The following MAN1C1 variants were observed in gnomAD, a reference collection of about 807,000 sequenced individuals.
MAN1C1 encodes the protein mannosyl-oligosaccharide 1,2-alpha-mannosidase IC.
Under a neutral mutation model 71.5 loss-of-function variants are expected in MAN1C1, and 49 were observed. The observed-to-expected ratio is 0.69, with a 90% CI of 0.54 to 0.87. The LOEUF is 0.87. Ranked by LOEUF, MAN1C1 falls within the 40% of genes least tolerant of loss-of-function variation. MAN1C1 has a pLI of 0.00. For missense variants in MAN1C1, 743 were observed against 835.0 expected (o/e 0.89, Z 1.36); for synonymous variants, 352 against 343.7 (o/e 1.02, Z -0.27).
At chr1:25,749,151 C>G in intron 3 of MAN1C1, 104 bp from the exon 4 acceptor site, 1 of 860,324 alleles carries the variant, frequency 1.2e-6, no homozygotes, top group African/African-American at 1.7e-5. Flanking sequence ...TTACCAGAGC[C>G]GGGGACAGGT....
At chr1:25,691,058 C>G (rs777458925) in intron 2 of MAN1C1, among the ~76,000 whole-genome samples, 1 of 152,086 alleles carries the variant, frequency 6.6e-6, no homozygotes, top group Non-Finnish European at 1.5e-5. Flanking sequence ...GGCTTACACC[C>G]GTAGTCCCAG....
At chr1:25,663,753 C>T (rs2045883103) in intron 1 of MAN1C1, among the ~76,000 whole-genome samples, 1 of 152,120 alleles carries the variant, frequency 6.6e-6, no homozygotes, top group African/African-American at 2.4e-5. Context: ...CCATTGAAGT[C>T]GCGAGGGAGA....
At chr1:25,765,003 G>A (rs1292161987) in intron 7 of MAN1C1, among the ~76,000 whole-genome samples, 1 of 151,878 alleles carries the variant, frequency 6.6e-6, no homozygotes, top group African/African-American at 2.4e-5. Context: ...AGCCAAGACC[G>A]CACCACTGCA....
rs760202704 is a variant in MAN1C1, at chr1:25,618,288, G to T, written c.491G>T (p.Ser164Ile). Residue 164 changes from serine (S) to isoleucine (I), a missense_variant, in exon 1 of 12, where the codon AGT becomes ATT. Coordinates refer to ENST00000374332, the MANE Select transcript of MAN1C1 (RefSeq NM_020379.4). Reference protein sequence around the residue: ...HPVLGTRADESQEPQSQVRAQ... With the variant: ...HPVLGTRADEIQEPQSQVRAQ... ...GTCCTGGGAACGAGGGCCGATGAGAGTCAGGAGCCCCAGAGCCAAGTGCGA... is the reference window on the plus strand; with the variant it reads ...GTCCTGGGAACGAGGGCCGATGAGATTCAGGAGCCCCAGAGCCAAGTGCGA... The T allele has an allele frequency of 1.2e-6, 2 of 1,604,018 alleles. No individual in the cohort carries two copies. Among genetic ancestry groups the T allele is most frequent in the African/African-American group, 1.3e-5 (1 of 74,820 alleles).
intron 1 of MAN1C1, among the ~76,000 whole-genome samples, chr1:25,632,299 G>A (rs1031777198): frequency 6.6e-6 from 1 of 152,148 alleles, no homozygotes; most frequent in Non-Finnish European, 1.5e-5. Context: ...GCGTAGAGAT[G>A]TTTGTAGTAG....
chr1:25,667,951 A>G (rs2045946124), intron 1 of MAN1C1, among the ~76,000 whole-genome samples: 1 of 152,160 alleles, frequency 6.6e-6, no homozygotes, highest in East Asian at 1.9e-4. Flanking sequence ...CATGGGAAGA[A>G]TGACTCCAGG....
rs1012409008 is a variant in MAN1C1, at chr1:25,631,229, A to T, written c.540+12892A>T. On this transcript the variant is annotated intron_variant, in intron 1 of 11. Coordinates refer to ENST00000374332, the MANE Select transcript of MAN1C1 (RefSeq NM_020379.4). This position sits in a 1 kb window ranked among gnomAD's most constrained non-coding sequence, Gnocchi z 4.2. ...GCAGTCCACCCGCCTCAGCCTCCCA[A>T]AGTGCTAGGATTACAGGCATGAGCC... is the stretch of plus-strand genomic sequence containing the variant. 6.6e-6 allele frequency among the ~76,000 whole-genome samples: 1 copy of T among 152,112 alleles called. No homozygotes were observed. The highest frequency in any genetic ancestry group is 1.5e-5 in the Non-Finnish European group (1 of 68,010).
intron 2 of MAN1C1, among the ~76,000 whole-genome samples, chr1:25,699,840 C>G (rs1198911449): frequency 2.6e-5 from 4 of 152,214 alleles, no homozygotes; most frequent in Non-Finnish European, 5.9e-5. Context: ...ATGGCCACCT[C>G]TCTGGAAGGT....
chr1:25,777,400 C>T (rs2047632573), intron 8 of MAN1C1, among the ~76,000 whole-genome samples: 1 of 152,140 alleles, frequency 6.6e-6, no homozygotes, highest in Non-Finnish European at 1.5e-5. Context: ...AGAGTCTTTA[C>T]AACAGCATCA....
At chr1:25,760,040 A>C (rs2047340892) in intron 6 of MAN1C1, 1 of 152,132 alleles carries the variant, frequency 6.6e-6, no homozygotes, top group African/African-American at 2.4e-5. Flanking sequence ...CCCATCCCCC[A>C]ACCTCCCTGT....
At chr1:25,767,246 A>G (rs945726252) in intron 7 of MAN1C1, among the ~76,000 whole-genome samples, 9 of 105,990 alleles carry the variant, frequency 8.5e-5, no homozygotes, top group African/African-American at 3.4e-4. Context: ...CTCCCCTCAC[A>G]TCCACACTCC....
chr1:25,693,880 C>T (rs2046337716), intron 2 of MAN1C1, among the ~76,000 whole-genome samples: 1 of 152,218 alleles, frequency 6.6e-6, no homozygotes, highest in Admixed American at 6.5e-5. Flanking sequence ...ATAACAACTA[C>T]TTCACTCAAC....
chr1:25,627,904 A>T (rs370923738), intron 1 of MAN1C1, among the ~76,000 whole-genome samples: 27 of 151,720 alleles, frequency 1.8e-4, no homozygotes, highest in African/African-American at 5.6e-4. Flanking sequence ...TTATCCAGGC[A>T]TGATGATGGT....
intron 1 of MAN1C1, among the ~76,000 whole-genome samples, chr1:25,674,648 A>G (rs1267454132): frequency 6.6e-6 from 1 of 152,148 alleles, no homozygotes; most frequent in East Asian, 1.9e-4. Flanking sequence ...GAGCGGGACT[A>G]TTGTGTGCAA....
chr1:25,704,371 G>C (rs905223763), intron 2 of MAN1C1, among the ~76,000 whole-genome samples: 3 of 152,188 alleles, frequency 2.0e-5, no homozygotes, highest in Admixed American at 6.5e-5. Context: ...GGGAATGGGC[G>C]GCCGACAGAA....
In MAN1C1 at chr1:25,734,197, C is replaced by T. The variant is rs536080099; in HGVS notation, c.638-12471C>T. 1.4e-4 allele frequency among the ~76,000 whole-genome samples: 21 copies of T among 152,262 alleles called. No homozygotes were observed. In the East Asian group the frequency reaches 1.9e-3, roughly 14 times the overall value. Reference sequence around the variant, plus strand: ...AGGCTGGAGTGCAGTAGCGCAATCACGGCTCACTGCAACCTCCACCTCATG... The same window carrying T: ...AGGCTGGAGTGCAGTAGCGCAATCATGGCTCACTGCAACCTCCACCTCATG... On this transcript the variant is annotated intron_variant, in intron 2 of 11. Transcript: ENST00000374332.
intron 2 of MAN1C1, among the ~76,000 whole-genome samples, chr1:25,739,738 A>T (rs2047033080): frequency 6.6e-6 from 1 of 152,178 alleles, no homozygotes; most frequent in Non-Finnish European, 1.5e-5. Context: ...CTTTGGGCAC[A>T]TGTTGTCACT....
intron 1 of MAN1C1, among the ~76,000 whole-genome samples, chr1:25,643,621 C>T (rs1172142825): frequency 1.4e-5 from 2 of 140,984 alleles, no homozygotes; most frequent in East Asian, 4.2e-4. Context: ...TTATTTGCCT[C>T]AGCTTCCCGA....
intron 7 of MAN1C1, among the ~76,000 whole-genome samples, chr1:25,767,262 C>T (rs72875701): frequency 0.037 from 5,190 of 139,548 alleles, 382 homozygotes; most frequent in African/African-American, 0.14. Flanking sequence ...ACTCCCCTCA[C>T]ACACACACAT....
Sources: allele counts gnomAD v4.1 joint callset (sites outside exome capture counted in the v4.1 genomes callset), GRCh38; gene constraint gnomAD v4.1.1; non-coding constraint Gnocchi (gnomAD v3.1); transcripts MANE v1.5; gene names NCBI Gene and HGNC (gene_info 2026-07-23, HGNC 2026-07-21).